The following GLOD4 variants were observed in gnomAD, a reference collection of about 807,000 sequenced individuals.
The protein encoded by GLOD4 is glyoxalase domain-containing protein 4.
Under a neutral mutation model 39.1 loss-of-function variants are expected in GLOD4, and 44 were observed. The observed-to-expected ratio is 1.13, with a 90% CI of 0.88 to 1.45. GLOD4 has a LOEUF of 1.45. Ranked by LOEUF, GLOD4 falls within the 40% of genes most tolerant of loss-of-function variation. GLOD4 has a pLI of 0.00. For synonymous variants in GLOD4, 145 were observed against 135.0 expected, an observed-to-expected ratio of 1.07 and a Z score of -0.52; for missense variants, 405 against 366.4, an observed-to-expected ratio of 1.11 and a Z score of -0.86.
intron 1 of GLOD4, among the ~76,000 whole-genome samples, chr17:781,458 G>A (rs903752465): frequency 3.3e-5 from 5 of 152,208 alleles, no homozygotes; most frequent in African/African-American, 1.2e-4. Context: ...GTAGTACCCT[G>A]AAAATAGCAG....
At position 767,156 on chromosome 17, in the gene GLOD4, A is replaced by C. The variant is rs190081764; in HGVS notation, c.831+2713T>G. On this transcript the variant is annotated intron_variant, in intron 8 of 8. Transcript: ENST00000301329. ...TCTGAAATTTTTGGATAAGAAGACT[A>C]AAGTTCAAAGAATTTAAGTCAACTG... is the stretch of plus-strand genomic sequence containing the variant. Among the ~76,000 whole-genome samples, 19 of 152,366 alleles carry C rather than the reference A, an allele frequency of 1.2e-4. 1 individual carries two copies. The East Asian group carries it at 3.3e-3, about 26-fold the overall frequency.
At chr17:783,056 GTT>G (rs34512506), upstream of GLOD4, 4,681 of 1,314,066 alleles carry the variant, frequency 3.6e-3, 4 homozygotes, top group South Asian at 0.011. Flanking sequence ...ATAGTTACCT[GTT>G]TTTTTTTTTT....
At chr17:773,929 C>G (rs1222341920) in intron 4 of GLOD4, among the ~76,000 whole-genome samples, 5 of 152,186 alleles carry the variant, frequency 3.3e-5, no homozygotes, top group African/African-American at 9.7e-5. Context: ...GACAGAAGGT[C>G]TGACCACATT....
chr17:771,832 C>T (rs1907988850), intron 4 of GLOD4, among the ~76,000 whole-genome samples: 2 of 152,024 alleles, frequency 1.3e-5, no homozygotes, highest in African/African-American at 4.8e-5. Context: ...TGGCAAAACC[C>T]TGTCTCTACT....
chr17:760,195 T>C lies in GLOD4; in HGVS notation c.875A>G (p.Asn292Ser), dbSNP rs761867438. The C allele has an allele frequency of 8.7e-6, 14 of 1,601,158 alleles. No individual in the cohort carries two copies. The highest frequency in any genetic ancestry group is 4.4e-5 in the South Asian group (4 of 90,824). ...CCGTTAACCTGAAGCTTTGGGTTTA[T>C]TGTGTTTGGCAAACCACTCGTCACT... ...DKSDEWFAKH[N>S]KPKASG The change falls in exon 9 of 9, where the codon AAT (asparagine) becomes AGT (serine). Residue 292 changes from asparagine to serine, a missense_variant. Asn to Ser is a conservative substitution (Grantham distance 46, BLOSUM62 1). Transcript: ENST00000301329.
At chr17:772,449 GA>G (rs1309457407) in intron 4 of GLOD4, among the ~76,000 whole-genome samples, 2 of 151,052 alleles carry the variant, frequency 1.3e-5, no homozygotes, top group Non-Finnish European at 2.9e-5. Context: ...AAACTATGAA[GA>G]AAAAACTTCT....
chr17:778,631 C>G (rs952692545), intron 2 of GLOD4, 64 bp downstream of exon 2: 2 of 957,544 alleles, frequency 2.1e-6, no homozygotes, highest in Admixed American at 1.7e-5. Flanking sequence ...CTTTGAGAAA[C>G]TGTCTTCTGT....
At position 761,520 on chromosome 17, in the gene GLOD4, T is replaced by C. The variant is rs76759771; in HGVS notation, c.832-1282A>G. Among the ~76,000 whole-genome samples the C allele has an allele frequency of 9.7e-3, 1,476 of 152,328 alleles. 8 individuals carry two copies. Among genetic ancestry groups the C allele is most frequent in the Non-Finnish European group, 0.016 (1,066 of 68,004 alleles). ...AACCTAAGAAAGCTTTTTTTCTTTT[T>C]TGAAATGGAGTTTTGCTCTTGTCGC... On this transcript the variant is annotated intron_variant, in intron 8 of 8. Coordinates refer to ENST00000301329, the MANE Select transcript of GLOD4 (RefSeq NM_016080.4).
intron 8 of GLOD4, among the ~76,000 whole-genome samples, chr17:768,209 C>T (rs1423614415): frequency 1.4e-5 from 2 of 145,722 alleles, no homozygotes; most frequent in Admixed American, 6.9e-5. Context: ...AAGAAGAAAT[C>T]TGGAGAGGAT....
At chr17:766,949 G>A (rs371618039) in intron 8 of GLOD4, among the ~76,000 whole-genome samples, 6 of 152,224 alleles carry the variant, frequency 3.9e-5, no homozygotes, top group African/African-American at 1.2e-4. Context: ...CGAGGAGGAA[G>A]AGTCTGGCAA....
chr17:770,068 T>A lies in GLOD4; in HGVS notation c.720A>T (p.Val240=), dbSNP rs1907660650. The change falls in exon 7 of 9, where the codon GTA becomes GTT. Residue 240 remains valine (V), a synonymous_variant. Transcript: ENST00000301329. ...VSLDTPGKAT[V]QVVILADPDG... The stretch of plus-strand genomic sequence containing the variant: ...CAGGGTCGGCCAGAATGACCACCTG[T>A]ACTGTTGCTTTCCCTGGGGTGTCCA... 1 of 1,610,486 alleles carries A rather than the reference T, an allele frequency of 6.2e-7. No individual in the cohort carries two copies.
intron 8 of GLOD4, among the ~76,000 whole-genome samples, chr17:760,781 G>A (rs955919317): frequency 6.6e-6 from 1 of 152,138 alleles, no homozygotes; most frequent in African/African-American, 2.4e-5. Context: ...TTTAGTTTGG[G>A]CATCTTAATT....
chr17:784,998 TTTCA>T (rs1285449839), upstream of GLOD4, among the ~76,000 whole-genome samples: 2 of 152,254 alleles, frequency 1.3e-5, no homozygotes, highest in Non-Finnish European at 2.9e-5. Flanking sequence ...ACAAGTACTA[TTTCA>T]TTCATCTCCT....
At chr17:779,506 T>C (rs1597588984) in intron 1 of GLOD4, among the ~76,000 whole-genome samples, 3 of 150,638 alleles carry the variant, frequency 2.0e-5, no homozygotes, top group Admixed American at 6.6e-5. Context: ...GGCATGGTGG[T>C]GGGCGCTTGT....
At chr17:773,716 T>G (rs1284826929) in intron 4 of GLOD4, among the ~76,000 whole-genome samples, 1 of 152,232 alleles carries the variant, frequency 6.6e-6, no homozygotes, top group African/African-American at 2.4e-5. Context: ...TTAGTCCTGT[T>G]TGCTAGAACA....
chr17:774,427 G>A (rs939460443), intron 4 of GLOD4, among the ~76,000 whole-genome samples: 4 of 152,184 alleles, frequency 2.6e-5, no homozygotes, highest in Admixed American at 6.5e-5. Flanking sequence ...CATTTTCCCC[G>A]TTTTTGCTTT....
chr17:770,140 G>A lies in GLOD4; in HGVS notation c.648C>T (p.Asp216=), dbSNP rs567463779. 6.2e-7 allele frequency: 1 copy of A among 1,607,308 alleles called. No homozygotes were observed. Among genetic ancestry groups the A allele is most frequent in the South Asian group, 1.1e-5 (1 of 90,826 alleles). Reference sequence around the variant, plus strand: ...TCTTCTGGTTCTCCCTTTTCATCAAGTCTTCTAAGTCTGGCAACTTGAGGA... The same window carrying A: ...TCTTCTGGTTCTCCCTTTTCATCAAATCTTCTAAGTCTGGCAACTTGAGGA... ...CPQKELPDLE[D]LMKRENQKIL... The change falls in exon 7 of 9, where the codon GAC becomes GAT. Residue 216 remains aspartate (D), a synonymous_variant. Transcript: ENST00000301329.
At chr17:769,759 C>T (rs1362578654) in intron 8 of GLOD4, 110 bp downstream of exon 8, 3 of 745,152 alleles carry the variant, frequency 4.0e-6, no homozygotes, top group Non-Finnish European at 7.2e-6. Flanking sequence ...AGCGAAAGGA[C>T]GTGGTTCTGA....
intron 4 of GLOD4, 58 bp from the exon 5 acceptor site, chr17:771,519 C>G (rs1907943710): frequency 1.0e-6 from 1 of 954,816 alleles, no homozygotes; most frequent in Non-Finnish European, 1.5e-6. Flanking sequence ...AATAGAAAGA[C>G]CAAAACATGC....
Sources: gnomAD v4.1 joint callset for allele counts (sites outside exome capture counted in the v4.1 genomes callset) on GRCh38, gnomAD v4.1.1 for gene constraint, MANE v1.5 for transcripts, NCBI Gene and HGNC (gene_info 2026-07-23, HGNC 2026-07-21) for gene names.